SH3BGR: variants seen among roughly 807,000 people sequenced by gnomAD.
The protein encoded by SH3BGR is SH3 domain-binding glutamic acid-rich protein.
In SH3BGR, 29 loss-of-function variants were observed where a neutral mutation model predicts 24.5. The ratio of observed to expected loss-of-function variants is 1.18; its 90% confidence interval spans 0.88 to 1.61. The LOEUF (loss-of-function observed/expected upper bound fraction) is 1.61. Ranked by LOEUF, SH3BGR falls within the 40% of genes most tolerant of loss-of-function variation. The pLI is 0.00. For missense variants in SH3BGR, 162 were observed against 205.8 expected (o/e 0.79, Z 1.30); for synonymous variants, 55 against 65.7 (o/e 0.84, Z 0.79).
upstream of SH3BGR, among the ~76,000 whole-genome samples, chr21:39,447,404 C>G (rs1391254486): frequency 2.0e-5 from 3 of 146,684 alleles, no homozygotes; most frequent in East Asian, 5.9e-4. Context: ...TCTTTCTTTG[C>G]TTTCGCTTTT....
rs536525072 is a variant in SH3BGR at position 39,467,173 on chromosome 21, T to C, written c.231+4613T>C. Among the ~76,000 whole-genome samples, 35 of 152,318 alleles carry C rather than the reference T, an allele frequency of 2.3e-4. No individual in the cohort carries two copies. The South Asian group carries it at 7.3e-3, about 32-fold the overall frequency. The stretch of plus-strand genomic sequence containing the variant: ...GTAGGTGTCCACCAATGTTAACTCC[T>C]AGGATAAAATTACTACAGTTATTTT... On this transcript the variant is annotated intron_variant, in intron 2 of 6. Transcript: ENST00000333634.
At chr21:39,498,548 T>G (rs758265467) in intron 3 of SH3BGR, among the ~76,000 whole-genome samples, 1 of 152,182 alleles carries the variant, frequency 6.6e-6, no homozygotes, top group Non-Finnish European at 1.5e-5. Flanking sequence ...GTTAAGACAT[T>G]GAAATGCAAG....
intron 2 of SH3BGR, 78 bp downstream of exon 2, chr21:39,462,638 C>A: frequency 1.9e-6 from 2 of 1,053,218 alleles, no homozygotes; most frequent in Non-Finnish European, 2.6e-6. Context: ...AAGTTTGAGT[C>A]AGCATTTGAA....
chr21:39,500,535 G>A (rs1299453239), intron 4 of SH3BGR, among the ~76,000 whole-genome samples: 1 of 152,044 alleles, frequency 6.6e-6, no homozygotes, highest in Non-Finnish European at 1.5e-5. Context: ...CATAATAGGG[G>A]ATGGGATGGG....
At chr21:39,479,100 G>T (rs1468161167) in intron 3 of SH3BGR, among the ~76,000 whole-genome samples, 1 of 152,156 alleles carries the variant, frequency 6.6e-6, no homozygotes, top group Non-Finnish European at 1.5e-5. Flanking sequence ...TGGCAGTGGT[G>T]GGTGCATGTC....
At chr21:39,449,042 A>T (rs1047798773), upstream of SH3BGR, among the ~76,000 whole-genome samples, 1 of 152,224 alleles carries the variant, frequency 6.6e-6, no homozygotes, top group East Asian at 1.9e-4. Context: ...TTTGTGCCCT[A>T]TAGTTCACCT....
At chr21:39,490,364 A>G (rs1484566436) in intron 3 of SH3BGR, among the ~76,000 whole-genome samples, 3 of 152,204 alleles carry the variant, frequency 2.0e-5, no homozygotes, top group Non-Finnish European at 2.9e-5. Flanking sequence ...AAAAGGCTAA[A>G]ATTCCCTGGA....
At chr21:39,479,163 G>A (rs1282076842) in intron 3 of SH3BGR, among the ~76,000 whole-genome samples, 2 of 151,660 alleles carry the variant, frequency 1.3e-5, no homozygotes, top group Non-Finnish European at 2.9e-5. Flanking sequence ...TGTGCCTAGG[G>A]TTTCGAGGCC....
chr21:39,492,327 C>G (rs2078312979), intron 3 of SH3BGR, among the ~76,000 whole-genome samples: 1 of 151,990 alleles, frequency 6.6e-6, no homozygotes, highest in Non-Finnish European at 1.5e-5. Flanking sequence ...TGAGAACATA[C>G]GATGTTTGGT....
At chr21:39,456,286 C>T (rs2077653433) in intron 1 of SH3BGR, among the ~76,000 whole-genome samples, 1 of 152,040 alleles carries the variant, frequency 6.6e-6, no homozygotes, top group Non-Finnish European at 1.5e-5. Context: ...AAAGGAGTTG[C>T]CTTCTGAATA....
intron 2 of SH3BGR, among the ~76,000 whole-genome samples, chr21:39,474,134 A>G (rs2077988833): frequency 6.6e-6 from 1 of 151,872 alleles, no homozygotes; most frequent in African/African-American, 2.4e-5. Flanking sequence ...TGCCCGGCTA[A>G]TTTTTGTATT....
At chr21:39,467,982 G>A (rs2077871538) in intron 2 of SH3BGR, among the ~76,000 whole-genome samples, 1 of 152,236 alleles carries the variant, frequency 6.6e-6, no homozygotes, top group Non-Finnish European at 1.5e-5. Flanking sequence ...AGAGGAATGT[G>A]AACTGGAAAG....
chr21:39,452,399 TTTGTG>T (rs1290966431), intron 1 of SH3BGR, among the ~76,000 whole-genome samples: 7 of 152,186 alleles, frequency 4.6e-5, no homozygotes, highest in Admixed American at 3.9e-4. Flanking sequence ...TAACATGTGA[TTTGTG>T]TTGTGTTGCC....
At chr21:39,474,151 A>G (rs951209260) in intron 2 of SH3BGR, among the ~76,000 whole-genome samples, 2 of 152,038 alleles carry the variant, frequency 1.3e-5, no homozygotes, top group African/African-American at 4.8e-5. Context: ...TATTTTTTGT[A>G]GAGACAGGGT....
At chr21:39,505,540 ATCACCTGAAGG>A (rs2078567937) in intron 4 of SH3BGR, among the ~76,000 whole-genome samples, 1 of 152,062 alleles carries the variant, frequency 6.6e-6, no homozygotes, top group African/African-American at 2.4e-5. Flanking sequence ...AAGCGGGTGA[ATCACCTGAAGG>A]TCAGGAGTTT....
chr21:39,477,195 A>G (rs1359451371), intron 3 of SH3BGR, among the ~76,000 whole-genome samples: 8 of 152,084 alleles, frequency 5.3e-5, no homozygotes. Flanking sequence ...TTTACTTATT[A>G]TTGTGTCATA....
chr21:39,454,045 A>G (rs1252457226), intron 1 of SH3BGR, among the ~76,000 whole-genome samples: 1 of 152,246 alleles, frequency 6.6e-6, no homozygotes, highest in Non-Finnish European at 1.5e-5. Context: ...ATCAGGGTCT[A>G]TGATCAGTAT....
chr21:39,474,662 T>G (rs1423254765), intron 2 of SH3BGR, among the ~76,000 whole-genome samples: 1 of 152,026 alleles, frequency 6.6e-6, no homozygotes, highest in African/African-American at 2.4e-5. Context: ...GCCCTCTATG[T>G]CCCCCATGGT....
At chr21:39,501,937 C>G (rs2078501184) in intron 4 of SH3BGR, among the ~76,000 whole-genome samples, 1 of 152,216 alleles carries the variant, frequency 6.6e-6, no homozygotes, top group Non-Finnish European at 1.5e-5. Flanking sequence ...CTTTGGAAGG[C>G]AGAGGTGGGC....
Sources: gnomAD v4.1 joint callset for allele counts (sites outside exome capture counted in the v4.1 genomes callset) on GRCh38, gnomAD v4.1.1 for gene constraint, MANE v1.5 for transcripts, NCBI Gene and HGNC (gene_info 2026-07-23, HGNC 2026-07-21) for gene names.